Variants in MCTP1 observed in about 807,000 individuals in gnomAD.
MCTP1 encodes multiple C2 and transmembrane domain containing 1, also known as multiple C2 and transmembrane domain-containing protein 1.
Under a neutral mutation model 120.6 loss-of-function variants are expected in MCTP1, and 69 were observed. That is an observed-to-expected ratio of 0.57 (90% CI 0.47 to 0.70). The LOEUF (loss-of-function observed/expected upper bound fraction) is 0.70, where lower values mean the gene tolerates loss of function less well. Ranked by LOEUF, MCTP1 falls within the 30% of genes least tolerant of loss-of-function variation. The pLI is 0.00. For synonymous variants in MCTP1, 529 were observed against 493.1 expected, an observed-to-expected ratio of 1.07 and a Z score of -0.96; for missense variants, 1,203 against 1,248.8, an observed-to-expected ratio of 0.96 and a Z score of 0.55.
At chr5:94,800,072 G>A (rs778164149) in intron 17 of MCTP1, among the ~76,000 whole-genome samples, 26 of 152,156 alleles carry the variant, frequency 1.7e-4, no homozygotes, top group Non-Finnish European at 3.5e-4. Flanking sequence ...TTCAAGCAAC[G>A]TATATATCCC....
rs1757584736 is a variant in MCTP1 at position 95,253,511 on chromosome 5, T to A, written c.720+30345A>T. Among the ~76,000 whole-genome samples the A allele has an allele frequency of 3.9e-5, 6 of 152,196 alleles. No individual in the cohort carries two copies. In the South Asian group the frequency reaches 1.2e-3, roughly 32 times the overall value. ...GCAAACACAGTACACACAGCTATAT[T>A]ATGTACCCCCTTATATTAACCTTCC... On this transcript the variant is annotated intron_variant, in intron 1 of 22. Coordinates refer to ENST00000515393, the MANE Select transcript of MCTP1 (RefSeq NM_024717.7).
rs1760618973 is a variant in MCTP1 at position 95,284,728 on chromosome 5, G to A, written c.-153C>T. 1.3e-5 allele frequency among the ~76,000 whole-genome samples: 2 copies of A among 151,876 alleles called. No homozygotes were observed. The highest frequency in any genetic ancestry group is 2.9e-5 in the Non-Finnish European group (2 of 67,912). ...CAGCAGCAGAAACCGGGAGTGCCCAGCGACTTCAGGCCAGCTCGGGGGAAA... is the reference window on the plus strand; with the variant it reads ...CAGCAGCAGAAACCGGGAGTGCCCAACGACTTCAGGCCAGCTCGGGGGAAA... On this transcript the variant is annotated 5_prime_UTR_variant, in exon 1 of 23. Coordinates refer to ENST00000515393, the MANE Select transcript of MCTP1 (RefSeq NM_024717.7). This position sits in a 1 kb window ranked among gnomAD's most constrained non-coding sequence, Gnocchi z 5.2.
At chr5:95,115,732 A>T (rs913506826) in intron 1 of MCTP1, among the ~76,000 whole-genome samples, 1 of 152,160 alleles carries the variant, frequency 6.6e-6, no homozygotes, top group Admixed American at 6.5e-5. Flanking sequence ...AAGAGATAAT[A>T]ACACAGAACT....
At chr5:95,108,814 A>G (rs1757271381) in intron 1 of MCTP1, among the ~76,000 whole-genome samples, 1 of 152,310 alleles carries the variant, frequency 6.6e-6, no homozygotes, top group East Asian at 1.9e-4. Flanking sequence ...AAGAAATCCA[A>G]AAGAATCCAC....
chr5:95,252,378 T>C (rs987193395), intron 1 of MCTP1, among the ~76,000 whole-genome samples: 13 of 152,166 alleles, frequency 8.5e-5, no homozygotes, highest in Non-Finnish European at 1.2e-4. Context: ...TTCAAAAAGA[T>C]GGTTCTCTGT....
intron 2 of MCTP1, among the ~76,000 whole-genome samples, chr5:95,012,380 T>C (rs1055330040): frequency 6.6e-6 from 1 of 152,112 alleles, no homozygotes; most frequent in African/African-American, 2.4e-5. Context: ...GTACATACAT[T>C]TATGTATAGT....
chr5:94,803,259 G>T (rs970081080), intron 17 of MCTP1, among the ~76,000 whole-genome samples: 8 of 152,148 alleles, frequency 5.3e-5, no homozygotes, highest in Non-Finnish European at 1.0e-4. Flanking sequence ...ATGGTAATAA[G>T]TACACACAAC....
intron 17 of MCTP1, among the ~76,000 whole-genome samples, chr5:94,809,242 T>C (rs1782963876): frequency 6.6e-6 from 1 of 151,994 alleles, no homozygotes; most frequent in Non-Finnish European, 1.5e-5. Flanking sequence ...AAGTTATTTA[T>C]TTAAATGTTT....
intron 1 of MCTP1, chr5:95,081,723 AG>A: frequency 8.0e-7 from 1 of 1,251,058 alleles, no homozygotes; most frequent in Non-Finnish European, 1.0e-6. Context: ...CAAACCAGTA[AG>A]GGAAGAGTTT....
chr5:94,915,021 G>T (rs773719975), intron 8 of MCTP1, among the ~76,000 whole-genome samples: 4 of 152,156 alleles, frequency 2.6e-5, no homozygotes, highest in Non-Finnish European at 5.9e-5. Flanking sequence ...CTTTTTTAAG[G>T]AATATGAGTA....
At chr5:95,048,594 G>A (rs977441171) in intron 1 of MCTP1, among the ~76,000 whole-genome samples, 2 of 152,076 alleles carry the variant, frequency 1.3e-5, no homozygotes, top group Non-Finnish European at 2.9e-5. Context: ...GCAACTAAAG[G>A]ACACCAAAGA....
intron 1 of MCTP1, among the ~76,000 whole-genome samples, chr5:95,165,746 G>C (rs747405199): frequency 2.6e-5 from 4 of 152,178 alleles, no homozygotes; most frequent in Non-Finnish European, 4.4e-5. Context: ...TTCCAACTCT[G>C]AGAGGGACTT....
intron 11 of MCTP1, among the ~76,000 whole-genome samples, chr5:94,892,459 A>G (rs984203615): frequency 2.0e-5 from 3 of 152,146 alleles, no homozygotes; most frequent in Admixed American, 2.0e-4. Flanking sequence ...CTCTTGGTCT[A>G]CTACCCATTA....
At chr5:95,116,051 T>C (rs1562155460) in intron 1 of MCTP1, among the ~76,000 whole-genome samples, 1 of 151,598 alleles carries the variant, frequency 6.6e-6, no homozygotes, top group Non-Finnish European at 1.5e-5. Flanking sequence ...ACTTTTACTC[T>C]AGAAAAATGT....
intron 1 of MCTP1, among the ~76,000 whole-genome samples, chr5:95,265,991 G>A (rs543998445): frequency 6.6e-6 from 1 of 152,270 alleles, no homozygotes; most frequent in Admixed American, 6.5e-5. Context: ...GCATAAGAAG[G>A]AAACAGAAAT....
intron 17 of MCTP1, among the ~76,000 whole-genome samples, chr5:94,818,965 G>A (rs1785038635): frequency 1.3e-5 from 2 of 152,144 alleles, no homozygotes; most frequent in African/African-American, 2.4e-5. Context: ...GGTTATTTTA[G>A]TGTCATAATT....
intron 19 of MCTP1, among the ~76,000 whole-genome samples, chr5:94,735,175 C>T (rs921136468): frequency 1.2e-4 from 19 of 152,186 alleles, no homozygotes; most frequent in African/African-American, 4.1e-4. Context: ...CAGGAGGACA[C>T]GGAGTTACCC....
intron 17 of MCTP1, among the ~76,000 whole-genome samples, chr5:94,847,266 C>A (rs1234686702): frequency 6.6e-6 from 1 of 152,130 alleles, no homozygotes; most frequent in Non-Finnish European, 1.5e-5. Context: ...TGCCAAGCAG[C>A]TGGCTCTTAC....
chr5:95,209,304 C>A lies in MCTP1; in HGVS notation c.720+74552G>T, dbSNP rs184223951. ...ACACCAGTTACATTACTCAGAAATT[C>A]TTTCTTATCAATAGTCTCAACTTAG... is the stretch of plus-strand genomic sequence containing the variant. On this transcript the variant is annotated intron_variant, in intron 1 of 22. Coordinates refer to ENST00000515393, the MANE Select transcript of MCTP1 (RefSeq NM_024717.7). Among the ~76,000 whole-genome samples the A allele has an allele frequency of 3.1e-3, 465 of 152,284 alleles. 3 individuals carry two copies. The highest frequency in any genetic ancestry group is 0.012 in the South Asian group (59 of 4,824).
Sources: gnomAD v4.1 joint callset for allele counts (sites outside exome capture counted in the v4.1 genomes callset) on GRCh38, gnomAD v4.1.1 for gene constraint, Gnocchi (gnomAD v3.1) non-coding constraint, MANE v1.5 for transcripts, NCBI Gene and HGNC (gene_info 2026-07-23, HGNC 2026-07-21) for gene names.